CCDC148: variants seen among roughly 807,000 people sequenced by gnomAD.
CCDC148 encodes coiled-coil domain-containing protein 148.
CCDC148 carries 89 observed loss-of-function variants against 85.7 expected under a neutral mutation model. The observed-to-expected ratio is 1.04, with a 90% confidence interval of 0.87 to 1.24. CCDC148 has a LOEUF of 1.24. CCDC148 is among the 50% of genes most tolerant of loss of function. The probability of loss-of-function intolerance (pLI) is 0.00; values close to 1 mark genes in which losing one functional copy is unlikely to be tolerated. For missense variants in CCDC148, 692 were observed against 671.7 expected (o/e 1.03, Z -0.33); for synonymous variants, 230 against 213.9 (o/e 1.08, Z -0.66).
intron 2 of CCDC148, among the ~76,000 whole-genome samples, chr2:158,350,059 A>G (rs928621443): frequency 3.9e-5 from 6 of 152,260 alleles, no homozygotes; most frequent in African/African-American, 1.4e-4. Flanking sequence ...ACATTCCACT[A>G]TAAACAAAAA....
At chr2:158,327,666 G>A (rs932908093) in intron 7 of CCDC148, among the ~76,000 whole-genome samples, 12 of 152,154 alleles carry the variant, frequency 7.9e-5, no homozygotes, top group Middle Eastern at 3.4e-3. Flanking sequence ...CTTTTCCTCA[G>A]AATTCTCCTA....
At chr2:158,453,687 C>G (rs1454057991) in intron 1 of CCDC148, among the ~76,000 whole-genome samples, 1 of 152,098 alleles carries the variant, frequency 6.6e-6, no homozygotes, top group Non-Finnish European at 1.5e-5. Context: ...AGGGAATTTA[C>G]CACTAATCTT....
chr2:158,327,791 T>C (rs1692858402), intron 7 of CCDC148, among the ~76,000 whole-genome samples: 1 of 152,184 alleles, frequency 6.6e-6, no homozygotes, highest in Non-Finnish European at 1.5e-5. Context: ...AAAATATCAC[T>C]TGTTCAAGTT....
intron 11 of CCDC148, among the ~76,000 whole-genome samples, chr2:158,209,396 C>G (rs1324029317): frequency 1.3e-5 from 2 of 152,104 alleles, no homozygotes; most frequent in Non-Finnish European, 2.9e-5. Context: ...GTAAAACTCC[C>G]TAAGAAGTTA....
At chr2:158,317,801 T>A (rs1251479070) in intron 7 of CCDC148, among the ~76,000 whole-genome samples, 1 of 152,214 alleles carries the variant, frequency 6.6e-6, no homozygotes, top group Admixed American at 6.5e-5. Flanking sequence ...GGCTGAAAGC[T>A]GTTTTATGTT....
At position 158,286,658 on chromosome 2, in the gene CCDC148, A is replaced by G. The variant is rs138506865; in HGVS notation, c.1110+22775T>C. On this transcript the variant is annotated intron_variant, in intron 9 of 13. Coordinates refer to ENST00000283233, the MANE Select transcript of CCDC148 (RefSeq NM_138803.4). ...TATTTGCCCATGGACATAGACAAAT[A>G]AAATGGAATGGAGGGTTCAGAAGTA... Among the ~76,000 whole-genome samples the G allele has an allele frequency of 3.9e-3, 599 of 152,342 alleles. 3 individuals carry two copies. The highest frequency in any genetic ancestry group is 0.013 in the African/African-American group (531 of 41,590).
At chr2:158,358,359 T>G in intron 2 of CCDC148, 90 bp downstream of exon 2, 1 of 1,448,188 alleles carries the variant, frequency 6.9e-7, no homozygotes, top group Non-Finnish European at 9.3e-7. Flanking sequence ...CTATTTGGAA[T>G]GTCATTTATT....
chr2:158,305,020 A>G (rs1317424965), intron 9 of CCDC148, among the ~76,000 whole-genome samples: 1 of 152,182 alleles, frequency 6.6e-6, no homozygotes, highest in Non-Finnish European at 1.5e-5. Context: ...GCTTTTCTCC[A>G]TAGATCTCAC....
intron 9 of CCDC148, among the ~76,000 whole-genome samples, chr2:158,289,446 A>G (rs1211242553): frequency 2.0e-5 from 3 of 152,234 alleles, no homozygotes; most frequent in African/African-American, 7.2e-5. Context: ...ACAAAGAAAA[A>G]AATCCAGATA....
At chr2:158,291,015 C>T (rs759972896) in intron 9 of CCDC148, among the ~76,000 whole-genome samples, 21 of 152,046 alleles carry the variant, frequency 1.4e-4, no homozygotes, top group Non-Finnish European at 2.4e-4. Flanking sequence ...CATCTGTCAC[C>T]GAGACGATGG....
intron 1 of CCDC148, among the ~76,000 whole-genome samples, chr2:158,452,530 A>G (rs976490265): frequency 6.6e-6 from 1 of 152,218 alleles, no homozygotes; most frequent in African/African-American, 2.4e-5. Flanking sequence ...AAAATGGCAC[A>G]TTTTGGGGTA....
chr2:158,309,571 A>G lies in CCDC148; in HGVS notation c.972T>C (p.Asn324=). The G allele has an allele frequency of 6.2e-7, 1 of 1,613,856 alleles. No homozygotes were observed. Among genetic ancestry groups the G allele is most frequent in the Admixed American group, 1.7e-5 (1 of 60,008 alleles). ...TAAAGTCTTTCTTATTTTTATTCCA[A>G]TTTGATATCAGGATATTTTGCTGCT... ...AIEQQNILIS[N]WNKNKKDFIQ... is the part of the protein sequence containing the mutation. The change falls in exon 9 of 14, where the codon AAT becomes AAC. Residue 324 remains asparagine (N), a synonymous_variant. Coordinates refer to ENST00000283233, the MANE Select transcript of CCDC148 (RefSeq NM_138803.4).
At chr2:158,249,680 CTGAAGTACAATAA>C in intron 10 of CCDC148, among the ~76,000 whole-genome samples, 1 of 152,070 alleles carries the variant, frequency 6.6e-6, no homozygotes, top group Non-Finnish European at 1.5e-5. Context: ...ACAATGACAA[CTGAAGTACAATAA>C]AATGTGGAAA....
intron 9 of CCDC148, among the ~76,000 whole-genome samples, chr2:158,284,665 C>T (rs372319027): frequency 3.4e-4 from 52 of 152,208 alleles, no homozygotes; most frequent in African/African-American, 9.4e-4. Context: ...TTCAGGAATA[C>T]GGCAGAAGGA....
chr2:158,456,504 C>A lies in CCDC148; in HGVS notation c.-65G>T. On this transcript the variant is annotated 5_prime_UTR_variant, in exon 1 of 14. The change creates a new upstream start codon in the 5' untranslated region. Coordinates refer to ENST00000283233, the MANE Select transcript of CCDC148 (RefSeq NM_138803.4). ...CGCAGGAAAAGTGAAACGCCCACTC[C>A]TGGGCTCTCGCCGTCAGGGGTACAT... 1 of 1,576,542 alleles carries A rather than the reference C, an allele frequency of 6.3e-7. No homozygotes were observed. The highest frequency in any genetic ancestry group is 8.6e-7 in the Non-Finnish European group (1 of 1,161,054).
intron 9 of CCDC148, among the ~76,000 whole-genome samples, chr2:158,289,066 G>C (rs1294065679): frequency 6.6e-6 from 1 of 152,098 alleles, no homozygotes; most frequent in Non-Finnish European, 1.5e-5. Flanking sequence ...ACCTCCCACT[G>C]TGTCCCTCCC....
At chr2:158,295,924 G>T (rs1483699953) in intron 9 of CCDC148, among the ~76,000 whole-genome samples, 2 of 152,060 alleles carry the variant, frequency 1.3e-5, no homozygotes, top group Non-Finnish European at 2.9e-5. Flanking sequence ...AGGAAAAGAG[G>T]AAGTCAAATT....
intron 1 of CCDC148, among the ~76,000 whole-genome samples, chr2:158,370,224 C>G (rs1036444462): frequency 6.6e-6 from 1 of 152,030 alleles, no homozygotes; most frequent in African/African-American, 2.4e-5. Context: ...GCAAACCATA[C>G]GTGCAGCACA....
intron 11 of CCDC148, among the ~76,000 whole-genome samples, chr2:158,181,684 T>C (rs554741104): frequency 6.6e-6 from 1 of 152,084 alleles, no homozygotes; most frequent in East Asian, 1.9e-4. Flanking sequence ...AAAAGTAGCA[T>C]TTGAAGGCCC....
Sources: gnomAD v4.1 joint callset for allele counts (sites outside exome capture counted in the v4.1 genomes callset) on GRCh38, gnomAD v4.1.1 for gene constraint, MANE v1.5 for transcripts, NCBI Gene and HGNC (gene_info 2026-07-23, HGNC 2026-07-21) for gene names.